PHF14: variants seen among roughly 807,000 people sequenced by gnomAD.
PHF14 encodes PHD finger protein 14.
A neutral mutation model predicts 117.9 loss-of-function variants in PHF14; 55 were observed. The ratio of observed to expected loss-of-function variants is 0.47; its 90% CI spans 0.38 to 0.58. The LOEUF (loss-of-function observed/expected upper bound fraction) is 0.58, where lower values mean the gene tolerates loss of function less well. PHF14 is among the 20% of genes least tolerant of loss of function. The pLI is 0.00. For missense variants in PHF14, 978 were observed against 1,122.2 expected, an observed-to-expected ratio of 0.87 and a Z score of 1.84; for synonymous variants, 409 against 368.6, an observed-to-expected ratio of 1.11 and a Z score of -1.26.
At chr7:10,980,965 A>G (rs1412623378) in intron 2 of PHF14, among the ~76,000 whole-genome samples, 3 of 152,212 alleles carry the variant, frequency 2.0e-5, no homozygotes, top group South Asian at 2.1e-4. Flanking sequence ...AACAGTCCCA[A>G]GTAAGCTATG....
Position 10,974,850 on chromosome 7 carries a change from AGAG to A in PHF14, c.22_24del (p.Arg8del). 1 of 1,577,826 alleles carries A rather than the reference AGAG, an allele frequency of 6.3e-7. No homozygotes were observed. ...CTCTTCACAGTGGATCGCAGCTCCA[AGAG>A]GAGGCAGGTGAAGCCTTTGGCAGCT... On this transcript the variant is annotated inframe_deletion, in exon 2 of 18. Coordinates refer to ENST00000634607, the MANE Select transcript of PHF14 (RefSeq NM_001007157.2).
chr7:11,023,961 T>C (rs1783823959), intron 6 of PHF14, among the ~76,000 whole-genome samples: 1 of 152,180 alleles, frequency 6.6e-6, no homozygotes, highest in South Asian at 2.1e-4. Context: ...GAGGAAGGCA[T>C]GTCGAAAGCC....
chr7:11,003,547 AAG>A (rs1782957894), intron 4 of PHF14, among the ~76,000 whole-genome samples: 1 of 152,238 alleles, frequency 6.6e-6, no homozygotes, highest in Non-Finnish European at 1.5e-5. Context: ...AGATAGTAAA[AAG>A]GTTACTGTAG....
At chr7:11,018,888 C>T (rs543154859) in intron 5 of PHF14, among the ~76,000 whole-genome samples, 2 of 152,138 alleles carry the variant, frequency 1.3e-5, no homozygotes, top group South Asian at 4.2e-4. Flanking sequence ...TGTCATATAT[C>T]GCTTTTATTA....
chr7:10,982,046 A>AT (rs1782060850), intron 2 of PHF14, among the ~76,000 whole-genome samples: 1 of 152,214 alleles, frequency 6.6e-6, no homozygotes, highest in South Asian at 2.1e-4. Context: ...AAAGAAGCAC[A>AT]TTTACTTTAA....
intron 16 of PHF14, among the ~76,000 whole-genome samples, chr7:11,084,596 A>G (rs887868883): frequency 2.0e-5 from 3 of 152,096 alleles, no homozygotes; most frequent in South Asian, 2.1e-4. Context: ...ATTTGGATGT[A>G]TCATAATTTA....
At chr7:11,139,092 T>C (rs988260509) in intron 17 of PHF14, among the ~76,000 whole-genome samples, 1 of 152,196 alleles carries the variant, frequency 6.6e-6, no homozygotes, top group South Asian at 2.1e-4. Flanking sequence ...AATATTTATA[T>C]ACATATGAAA....
intron 14 of PHF14, 48 bp from the exon 15 acceptor site, chr7:11,061,743 A>C: frequency 7.4e-7 from 1 of 1,349,988 alleles, no homozygotes; most frequent in Non-Finnish European, 1.0e-6. Context: ...TAAACATTAG[A>C]TATACTGTGG....
At chr7:11,023,244 A>G (rs910469579) in intron 6 of PHF14, among the ~76,000 whole-genome samples, 6 of 152,188 alleles carry the variant, frequency 3.9e-5, no homozygotes, top group Admixed American at 2.6e-4. Context: ...CACAATGCCT[A>G]ATACATAGAC....
At chr7:11,134,431 A>C (rs1348662542) in intron 17 of PHF14, among the ~76,000 whole-genome samples, 1 of 152,048 alleles carries the variant, frequency 6.6e-6, no homozygotes, top group Non-Finnish European at 1.5e-5. Context: ...CATGGAGTAA[A>C]GCATGCTGAT....
intron 14 of PHF14, among the ~76,000 whole-genome samples, chr7:11,056,145 T>C (rs1785011008): frequency 6.6e-6 from 1 of 151,578 alleles, no homozygotes; most frequent in South Asian, 2.1e-4. Flanking sequence ...TTTGGCTACT[T>C]GGAAGAGATC....
At chr7:11,025,684 A>G (rs1193895454) in intron 6 of PHF14, among the ~76,000 whole-genome samples, 2 of 152,164 alleles carry the variant, frequency 1.3e-5, no homozygotes, top group Non-Finnish European at 2.9e-5. Context: ...AGTCTCAGCT[A>G]CTTGGGAGGC....
At chr7:11,026,895 C>T (rs1034077192) in intron 6 of PHF14, among the ~76,000 whole-genome samples, 3 of 152,094 alleles carry the variant, frequency 2.0e-5, no homozygotes, top group African/African-American at 7.2e-5. Flanking sequence ...TCTCTGGCTT[C>T]TCTGCAAAAT....
At chr7:11,038,887 G>A in intron 11 of PHF14, 32 bp downstream of exon 11, 1 of 1,007,414 alleles carries the variant, frequency 9.9e-7, no homozygotes, top group Admixed American at 2.0e-5. Context: ...GTCTCCTTCA[G>A]TTCTTGCTCC....
intron 17 of PHF14, among the ~76,000 whole-genome samples, chr7:11,156,822 A>G (rs1364471545): frequency 6.6e-6 from 1 of 152,026 alleles, no homozygotes; most frequent in Non-Finnish European, 1.5e-5. Flanking sequence ...AAAGAAATTA[A>G]CTTTCTACAC....
chr7:11,097,612 T>C (rs1050519880), intron 16 of PHF14, among the ~76,000 whole-genome samples: 2 of 152,224 alleles, frequency 1.3e-5, no homozygotes, highest in Non-Finnish European at 2.9e-5. Flanking sequence ...CATGTTGTTA[T>C]GCAGCTATTG....
intron 11 of PHF14, 94 bp downstream of exon 11, chr7:11,038,949 C>T (rs915252974): frequency 4.5e-5 from 23 of 516,808 alleles, no homozygotes; most frequent in Middle Eastern, 2.9e-4. Flanking sequence ...TTTGACTAAC[C>T]GAAGAATTCT....
At chr7:10,993,528 A>G (rs1782532155) in intron 4 of PHF14, among the ~76,000 whole-genome samples, 1 of 152,212 alleles carries the variant, frequency 6.6e-6, no homozygotes, top group Admixed American at 6.5e-5. Context: ...TTTTAGGCAT[A>G]TGAAATAGAA....
At chr7:11,075,867 C>T (rs1189094099) in intron 16 of PHF14, among the ~76,000 whole-genome samples, 1 of 152,138 alleles carries the variant, frequency 6.6e-6, no homozygotes, top group African/African-American at 2.4e-5. Flanking sequence ...CGCGGTGACT[C>T]ATGCCTGTAA....
Sources: gnomAD v4.1 joint callset for allele counts (sites outside exome capture counted in the v4.1 genomes callset) on GRCh38, gnomAD v4.1.1 for gene constraint, MANE v1.5 for transcripts, NCBI Gene and HGNC (gene_info 2026-07-23, HGNC 2026-07-21) for gene names.